The following ACSBG2 variants were observed in gnomAD, a reference collection of about 807,000 sequenced individuals.
The protein encoded by ACSBG2 is long-chain-fatty-acid--CoA ligase ACSBG2.
ACSBG2 carries 62 observed loss-of-function variants against 74.7 expected under a neutral mutation model. That is an observed-to-expected ratio of 0.83 (90% CI 0.68 to 1.03). The LOEUF (loss-of-function observed/expected upper bound fraction) is 1.03, where lower values mean the gene tolerates loss of function less well. Ranked by LOEUF, ACSBG2 falls within the 50% of genes least tolerant of loss-of-function variation. The probability of loss-of-function intolerance (pLI) is 0.00; values close to 1 mark genes in which losing one functional copy is unlikely to be tolerated. For synonymous variants in ACSBG2, 309 were observed against 294.1 expected (o/e 1.05, Z -0.52); for missense variants, 730 against 817.6 (o/e 0.89, Z 1.31).
Position 6,167,163 on chromosome 19 carries a change from G to A in ACSBG2, c.738+1148G>A, listed in dbSNP as rs576633415. ...TTTCTATAAAAGCATTCTTATAAAT[G>A]CTTCCCTGCCCCCCCTCAGCCTAGG... is the stretch of plus-strand genomic sequence containing the variant. On this transcript the variant is annotated intron_variant, in intron 7 of 14. Coordinates refer to ENST00000588485, the MANE Select transcript of ACSBG2 (RefSeq NM_030924.5). 3.3e-5 allele frequency among the ~76,000 whole-genome samples: 5 copies of A among 152,290 alleles called. 1 individual carries two copies. Among genetic ancestry groups the A allele is most frequent in the African/African-American group, 1.2e-4 (5 of 41,554 alleles).
chr19:6,187,588 T>A lies in ACSBG2; in HGVS notation c.1681-11T>A, dbSNP rs1185654311. ...AGGAGCATGGGTGGTGACAGAGGTG[T>A]CTGGGGGCAGTGTGAGATGAATCAG... On this transcript the variant is annotated splice_polypyrimidine_tract_variant and intron_variant, in intron 12 of 14. Coordinates refer to ENST00000588485, the MANE Select transcript of ACSBG2 (RefSeq NM_030924.5). 1 of 1,613,776 alleles carries A rather than the reference T, an allele frequency of 6.2e-7. No homozygotes were observed. The highest frequency in any genetic ancestry group is 1.3e-5 in the African/African-American group (1 of 74,906).
At chr19:6,160,982 C>A (rs954710502) in intron 5 of ACSBG2, among the ~76,000 whole-genome samples, 1 of 152,100 alleles carries the variant, frequency 6.6e-6, no homozygotes, top group African/African-American at 2.4e-5. Context: ...TGCCTGCAAT[C>A]CCAGATACTC....
chr19:6,159,563 G>A (rs2089539057), intron 5 of ACSBG2, among the ~76,000 whole-genome samples: 1 of 152,174 alleles, frequency 6.6e-6, no homozygotes, highest in South Asian at 2.1e-4. Context: ...GTCTGTGGAG[G>A]ATTTATTGTT....
In ACSBG2 at chr19:6,181,821, C is replaced by CCCCG. The variant is rs1441586477; in HGVS notation, c.907-927_907-926insGCCC. On this transcript the variant is annotated intron_variant, in intron 8 of 14. Transcript: ENST00000588485. The stretch of plus-strand genomic sequence containing the variant: ...TTGAATAGTCCCCACCCGCCCCCCC[C>CCCCG]CCCAACGAAATTTCCTTGGCATTTT... Among the ~76,000 whole-genome samples, 270 of 122,820 alleles carry CCCCG rather than the reference C, an allele frequency of 2.2e-3. 8 individuals are homozygous for CCCCG. Among genetic ancestry groups the CCCCG allele is most frequent in the Middle Eastern group, 7.9e-3 (2 of 252 alleles). The allele number at this position is 122,820 out of a possible 152,430, so 80.6% of individuals were successfully genotyped here.
rs1212520100 is a variant in ACSBG2, at chr19:6,149,403, C to A, written c.297+1728C>A. Among the ~76,000 whole-genome samples, 3 of 151,920 alleles carry A rather than the reference C, an allele frequency of 2.0e-5. No individual in the cohort carries two copies. In the East Asian group the frequency reaches 5.8e-4, roughly 29 times the overall value. Reference sequence around the variant, plus strand: ...CAACGTTGGTTGGCAGTACCCAGAACAAAGAGGGAGTTTTCCCCTAAGGAT... The same window carrying A: ...CAACGTTGGTTGGCAGTACCCAGAAAAAAGAGGGAGTTTTCCCCTAAGGAT... On this transcript the variant is annotated intron_variant, in intron 3 of 14. Coordinates refer to ENST00000588485, the MANE Select transcript of ACSBG2 (RefSeq NM_030924.5).
At chr19:6,190,392 C>T in intron 13 of ACSBG2, 192 bp from the exon 14 acceptor site, 1 of 557,084 alleles carries the variant, frequency 1.8e-6, no homozygotes, top group Non-Finnish European at 3.3e-6. Flanking sequence ...AGAATCCTCA[C>T]CACAGCTGAA....
intron 12 of ACSBG2, 76 bp from the exon 13 acceptor site, chr19:6,187,523 C>T: frequency 6.2e-7 from 1 of 1,604,332 alleles, no homozygotes; most frequent in Non-Finnish European, 8.5e-7. Context: ...GGTTCAAGAC[C>T]CACTTCTTGG....
chr19:6,187,609 A>C lies in ACSBG2; in HGVS notation c.1691A>C (p.Asn564Thr). 6.2e-7 allele frequency: 1 copy of C among 1,614,026 alleles called. No individual in the cohort carries two copies. The highest frequency in any genetic ancestry group is 8.5e-7 in the Non-Finnish European group (1 of 1,179,998). The change falls in exon 13 of 15, where the codon AAT becomes ACT. Residue 564 changes from asparagine to threonine, a missense_variant. By Grantham distance (65) the Asn-to-Thr change is moderately conservative. Coordinates refer to ENST00000588485, the MANE Select transcript of ACSBG2 (RefSeq NM_030924.5). ...GGTGTCTGGGGGCAGTGTGAGATGA[A>C]TCAGATGAGCGGAGAACCTCTGGAC... ...SMLLTLKCEM[N>T]QMSGEPLDKL...
chr19:6,157,441 C>T (rs182874997), intron 5 of ACSBG2, among the ~76,000 whole-genome samples: 125 of 152,228 alleles, frequency 8.2e-4, no homozygotes, highest in African/African-American at 2.9e-3. Context: ...CCTGTAGTCC[C>T]AGCTACTGGG....
At chr19:6,149,147 C>T (rs919775551) in intron 3 of ACSBG2, among the ~76,000 whole-genome samples, 3 of 151,986 alleles carry the variant, frequency 2.0e-5, no homozygotes, top group Non-Finnish European at 2.9e-5. Context: ...AGAAACAAAA[C>T]CAAAAATAAA....
chr19:6,142,675 C>A (rs2088887899), intron 2 of ACSBG2, among the ~76,000 whole-genome samples: 1 of 150,264 alleles, frequency 6.7e-6, no homozygotes, highest in African/African-American at 2.5e-5. Flanking sequence ...ATGGCGTGAA[C>A]CCGGGAGGTA....
At chr19:6,156,677 C>A in intron 5 of ACSBG2, 126 bp downstream of exon 5, 1 of 972,024 alleles carries the variant, frequency 1.0e-6, no homozygotes, top group Non-Finnish European at 1.4e-6. Flanking sequence ...TTCAGCGAGT[C>A]CTCCATGACC....
intron 4 of ACSBG2, among the ~76,000 whole-genome samples, chr19:6,152,279 ATT>A (rs71172791): frequency 2.5e-4 from 17 of 68,466 alleles, no homozygotes; most frequent in African/African-American, 9.2e-4. Context: ...CACCCAGCTA[ATT>A]TTTTTTTTTT....
In ACSBG2 at chr19:6,147,462, G is replaced by A. The variant is rs1232807968; in HGVS notation, c.84G>A (p.Trp28Ter). Residue 28 changes from tryptophan (W) to a stop codon, truncating the protein, a stop_gained, in exon 3 of 15, where the codon TGG becomes TGA. Coordinates refer to ENST00000588485, the MANE Select transcript of ACSBG2 (RefSeq NM_030924.5). LOFTEE classifies it high-confidence loss of function. Reference sequence around the variant, plus strand: ...TATTTGCAGTTACTCCCAGGCTGTGGACCACCTGTCGAGATGGAGAAGTCC... The same window carrying A: ...TATTTGCAGTTACTCCCAGGCTGTGAACCACCTGTCGAGATGGAGAAGTCC... The part of the protein sequence containing the change: ...MNKTEVTPRL[W>*]TTCRDGEVLL... 2 of 1,613,986 alleles carry A rather than the reference G, an allele frequency of 1.2e-6. No homozygotes were observed. Among genetic ancestry groups the A allele is most frequent in the East Asian group, 4.5e-5 (2 of 44,894 alleles).
At chr19:6,191,246 T>G (rs940834788) in intron 14 of ACSBG2, 9 of 152,488 alleles carry the variant, frequency 5.9e-5, no homozygotes, top group African/African-American at 1.4e-4. Flanking sequence ...GAGGTGTTTT[T>G]TTTTTTTTTC....
chr19:6,147,992 A>G (rs2089104565), intron 3 of ACSBG2, among the ~76,000 whole-genome samples: 1 of 152,226 alleles, frequency 6.6e-6, no homozygotes, highest in South Asian at 2.1e-4. Flanking sequence ...TCCCTAACAT[A>G]CTATCTCTAT....
intron 7 of ACSBG2, among the ~76,000 whole-genome samples, chr19:6,166,277 A>AG (rs1323871369): frequency 6.2e-5 from 6 of 96,652 alleles, no homozygotes; most frequent in African/African-American, 2.7e-4. Flanking sequence ...TGAGTCAGGA[A>AG]GGTTGTGTGT....
At chr19:6,156,394 G>A (rs552832461) in intron 4 of ACSBG2, 37 bp from the exon 5 acceptor site, 2 of 1,569,242 alleles carry the variant, frequency 1.3e-6, no homozygotes, top group East Asian at 2.4e-5. Flanking sequence ...TTTAAGGTGT[G>A]TGTGGATGCA....
Position 6,135,901 on chromosome 19 carries a change from G to C in ACSBG2, c.-40G>C, listed in dbSNP as rs2144959713. The C allele has an allele frequency of 6.6e-6, 1 of 152,580 alleles. No homozygotes were observed. Among genetic ancestry groups the C allele is most frequent in the Admixed American group, 6.5e-5 (1 of 15,288 alleles). The allele number at this position is 152,580 out of a possible 1,614,324, so 9.5% of individuals were successfully genotyped here. The stretch of plus-strand genomic sequence containing the variant: ...GATGGCCAGAACCACACCTCTTGAA[G>C]AGTGACAGGTGCCAGTGGTATGGGA... On this transcript the variant is annotated 5_prime_UTR_variant, in exon 1 of 15. Transcript: ENST00000588485.
Sources: allele counts gnomAD v4.1 joint callset (sites outside exome capture counted in the v4.1 genomes callset), GRCh38; gene constraint gnomAD v4.1.1; transcripts MANE v1.5; gene names NCBI Gene and HGNC (gene_info 2026-07-23, HGNC 2026-07-21).